COA8: variants seen among roughly 807,000 people sequenced by gnomAD.
COA8 encodes the protein cytochrome c oxidase assembly factor 8, also known as UPF0671 protein C14orf153.
In COA8, 20 loss-of-function variants were observed where a neutral mutation model predicts 22.0. The observed-to-expected ratio is 0.91, with a 90% CI of 0.64 to 1.32. The LOEUF (loss-of-function observed/expected upper bound fraction) is 1.32. Ranked by LOEUF, COA8 falls within the 40% of genes most tolerant of loss-of-function variation. The pLI, the probability that COA8 is intolerant of heterozygous loss-of-function variation, is 0.00. For missense variants in COA8, 266 were observed against 230.0 expected, an observed-to-expected ratio of 1.16 and a Z score of -1.01; for synonymous variants, 105 against 79.9, an observed-to-expected ratio of 1.31 and a Z score of -1.68.
intron 3 of COA8, among the ~76,000 whole-genome samples, chr14:103,583,374 T>C (rs1356310050): frequency 1.3e-5 from 2 of 151,656 alleles, no homozygotes. Context: ...ACCCGATCTC[T>C]ACTAAAAATA....
chr14:103,586,654 A>G (rs1464431831), intron 3 of COA8, among the ~76,000 whole-genome samples: 7 of 77,048 alleles, frequency 9.1e-5, no homozygotes, highest in African/African-American at 3.7e-4. Context: ...TTTTTTTTTG[A>G]TTCGGAGTTT....
chr14:103,575,157 C>T (rs189428661), intron 3 of COA8, among the ~76,000 whole-genome samples: 7 of 152,358 alleles, frequency 4.6e-5, no homozygotes, highest in African/African-American at 1.2e-4. Flanking sequence ...CGTACGTGCA[C>T]GTGTGTACAT....
intron 3 of COA8, among the ~76,000 whole-genome samples, chr14:103,584,219 C>T (rs1335345385): frequency 6.6e-6 from 1 of 152,132 alleles, no homozygotes; most frequent in East Asian, 1.9e-4. Context: ...TCAATATGTT[C>T]AGTAGCCCGG....
chr14:103,568,486 C>CACATATATATACACACATGTAT (rs2076152523), intron 1 of COA8, among the ~76,000 whole-genome samples: 1 of 151,756 alleles, frequency 6.6e-6, no homozygotes, highest in Non-Finnish European at 1.5e-5. Context: ...CATATATACA[C>CACATATATATACACACATGTAT]ACATATATAT....
At chr14:103,582,019 C>A (rs1374923727) in intron 3 of COA8, among the ~76,000 whole-genome samples, 1 of 152,202 alleles carries the variant, frequency 6.6e-6, no homozygotes, top group African/African-American at 2.4e-5. Flanking sequence ...GGTATGCGCT[C>A]TGCTGAAGGT....
chr14:103,574,459 C>T, intron 3 of COA8: 1 of 577,800 alleles, frequency 1.7e-6, no homozygotes, highest in African/African-American at 1.8e-5. Flanking sequence ...TGCAGCTTCT[C>T]CCTCCAAAGC....
At chr14:103,568,715 C>T (rs890394034) in intron 1 of COA8, among the ~76,000 whole-genome samples, 26 of 151,374 alleles carry the variant, frequency 1.7e-4, no homozygotes, top group African/African-American at 5.6e-4. Flanking sequence ...CTGCAACCTC[C>T]GCCTCCCAGG....
chr14:103,580,508 T>C (rs1030755369), intron 3 of COA8, among the ~76,000 whole-genome samples: 1 of 151,750 alleles, frequency 6.6e-6, no homozygotes, highest in African/African-American at 2.4e-5. Context: ...TTTTTTTTGT[T>C]TTTTGAAGCG....
chr14:103,564,563 A>T (rs915245679), intron 1 of COA8, among the ~76,000 whole-genome samples: 1 of 141,764 alleles, frequency 7.1e-6, no homozygotes, highest in African/African-American at 2.6e-5. Context: ...CTATTGTCAT[A>T]TACACTTCTT....
intron 3 of COA8, among the ~76,000 whole-genome samples, chr14:103,575,882 T>G (rs2076226343): frequency 6.6e-6 from 1 of 152,080 alleles, no homozygotes; most frequent in Admixed American, 6.5e-5. Flanking sequence ...TTTGTGTTTT[T>G]TGTAGAGACG....
chr14:103,566,282 A>G (rs888393004), intron 1 of COA8, among the ~76,000 whole-genome samples: 2 of 152,090 alleles, frequency 1.3e-5, no homozygotes, highest in Admixed American at 1.3e-4. Context: ...TTAGCCGGGC[A>G]TGATGGTGGT....
At chr14:103,566,631 C>T (rs1412405136) in intron 1 of COA8, among the ~76,000 whole-genome samples, 1 of 152,234 alleles carries the variant, frequency 6.6e-6, no homozygotes, top group Non-Finnish European at 1.5e-5. Flanking sequence ...CACACATGCA[C>T]AGATGGCTCT....
chr14:103,573,633 A>G (rs1175624707), intron 2 of COA8, among the ~76,000 whole-genome samples: 3 of 151,240 alleles, frequency 2.0e-5, no homozygotes, highest in East Asian at 3.9e-4. Context: ...GCTCACTGCA[A>G]CCTCCGCCTC....
chr14:103,568,621 G>A (rs866293864), intron 1 of COA8, among the ~76,000 whole-genome samples: 45 of 141,864 alleles, frequency 3.2e-4, no homozygotes, highest in Non-Finnish European at 5.4e-4. Context: ...ATGTGTGTGT[G>A]TATATATATA....
intron 3 of COA8, among the ~76,000 whole-genome samples, chr14:103,586,691 G>C (rs2076309815): frequency 1.4e-5 from 2 of 145,046 alleles, no homozygotes; most frequent in Admixed American, 1.4e-4. Flanking sequence ...CTGGAGTGAA[G>C]TGGCATGATC....
At chr14:103,566,929 A>G (rs1347892172) in intron 1 of COA8, among the ~76,000 whole-genome samples, 1 of 152,132 alleles carries the variant, frequency 6.6e-6, no homozygotes, top group Non-Finnish European at 1.5e-5. Flanking sequence ...TTTTTTGGAC[A>G]TAGGGTCTTG....
chr14:103,574,190 T>G lies in COA8; in HGVS notation c.385+20T>G. ...AATCAGGTTAGTGTGTTTGTTTGAT[T>G]GTTTTTTTTGCTTTCTTTGCGTTTG... is the stretch of plus-strand genomic sequence containing the variant. On this transcript the variant is annotated intron_variant, in intron 3 of 4. Transcript: ENST00000409074. The G allele has an allele frequency of 6.2e-7, 1 of 1,613,270 alleles. No individual in the cohort carries two copies. The highest frequency in any genetic ancestry group is 8.5e-7 in the Non-Finnish European group (1 of 1,179,760).
rs1372857349 is a variant in COA8 at position 103,581,436 on chromosome 14, G to A, written c.386-5838G>A. 5.1e-6 allele frequency: 2 copies of A among 391,854 alleles called. No homozygotes were observed. The highest frequency in any genetic ancestry group is 2.1e-5 in the African/African-American group (1 of 48,440). The allele number at this position is 391,854 out of a possible 1,614,324, so 24.3% of individuals were successfully genotyped here. On this transcript the variant is annotated intron_variant, in intron 3 of 4. Coordinates refer to ENST00000409074, the MANE Select transcript of COA8 (RefSeq NM_001370595.2). The surrounding 1 kb of genome is among the most constrained non-coding windows in gnomAD (Gnocchi z 4.1). ...GCGCGTCTACACTGTGGAGGTGCTG[G>A]ACAGAGGGAGGAGTCGCCTCCTGGG...
chr14:103,590,048 G>C, intron 4 of COA8, 133 bp from the exon 5 acceptor site: 1 of 727,140 alleles, frequency 1.4e-6, no homozygotes, highest in Admixed American at 2.3e-5. Flanking sequence ...GCTTTAACAA[G>C]GGCAGGGAAA....
Sources: gnomAD v4.1 joint callset for allele counts (sites outside exome capture counted in the v4.1 genomes callset) on GRCh38, gnomAD v4.1.1 for gene constraint, Gnocchi (gnomAD v3.1) non-coding constraint, MANE v1.5 for transcripts, NCBI Gene and HGNC (gene_info 2026-07-23, HGNC 2026-07-21) for gene names.